The following DPH6 variants were observed in gnomAD, a reference collection of about 807,000 sequenced individuals.
DPH6 encodes diphthamine biosynthesis 6, also known as diphthine--ammonia ligase.
In DPH6, 33 loss-of-function variants were observed where a neutral mutation model predicts 38.2. The observed-to-expected ratio is 0.86, with a 90% CI of 0.65 to 1.15. The LOEUF (loss-of-function observed/expected upper bound fraction) is 1.15, where lower values mean the gene tolerates loss of function less well. Ranked by LOEUF, DPH6 falls within the 50% of genes most tolerant of loss-of-function variation. The pLI is 0.00. For missense variants in DPH6, 325 were observed against 320.0 expected, an observed-to-expected ratio of 1.02 and a Z score of -0.12; for synonymous variants, 108 against 103.0, an observed-to-expected ratio of 1.05 and a Z score of -0.30.
At chr15:35,475,559 T>C (rs572864675) in intron 3 of DPH6, among the ~76,000 whole-genome samples, 2 of 152,100 alleles carry the variant, frequency 1.3e-5, no homozygotes, top group Admixed American at 6.6e-5. Flanking sequence ...ATGAATTATA[T>C]ATTTCTTTGG....
At chr15:35,449,135 G>A (rs974715832) in intron 5 of DPH6, among the ~76,000 whole-genome samples, 2 of 151,810 alleles carry the variant, frequency 1.3e-5, no homozygotes, top group African/African-American at 4.8e-5. Flanking sequence ...GAAGTACTGT[G>A]CCATTTAATA....
intron 6 of DPH6, among the ~76,000 whole-genome samples, chr15:35,408,796 G>A (rs1470568554): frequency 6.6e-6 from 1 of 151,972 alleles, no homozygotes; most frequent in African/African-American, 2.4e-5. Flanking sequence ...CACTGTATCC[G>A]TTTAGAGGCA....
intron 5 of DPH6, among the ~76,000 whole-genome samples, chr15:35,448,511 T>C (rs1053088197): frequency 1.1e-4 from 17 of 152,176 alleles, no homozygotes; most frequent in African/African-American, 4.1e-4. Flanking sequence ...CATATATCAT[T>C]TCACATTCAA....
chr15:35,179,764 A>T, the DPH6 span, among the ~76,000 whole-genome samples: 1 of 152,136 alleles, frequency 6.6e-6, no homozygotes, highest in Non-Finnish European at 1.5e-5. Context: ...TGAGAATGAG[A>T]TGAGAGGATG....
chr15:35,212,740 T>C (rs2051394371), downstream of DPH6, among the ~76,000 whole-genome samples: 1 of 152,214 alleles, frequency 6.6e-6, no homozygotes, highest in Non-Finnish European at 1.5e-5. Context: ...AGTATTGTAC[T>C]TCCTTCCTAA....
chr15:35,212,300 T>C, the DPH6 span, among the ~76,000 whole-genome samples: 2 of 152,148 alleles, frequency 1.3e-5, no homozygotes, highest in South Asian at 4.1e-4. Flanking sequence ...GAATGAAAAC[T>C]CTTTTCACAG....
At chr15:35,494,250 C>G (rs2054519986) in intron 3 of DPH6, among the ~76,000 whole-genome samples, 1 of 152,066 alleles carries the variant, frequency 6.6e-6, no homozygotes, top group African/African-American at 2.4e-5. Flanking sequence ...ATGACTAGTC[C>G]TAACCATCTA....
At chr15:35,175,972 A>C in the DPH6 span, among the ~76,000 whole-genome samples, 1 of 152,216 alleles carries the variant, frequency 6.6e-6, no homozygotes, top group Non-Finnish European at 1.5e-5. Flanking sequence ...AAACTTTCAG[A>C]CATGTTCTCT....
At chr15:35,197,460 GA>G in the DPH6 span, among the ~76,000 whole-genome samples, 16 of 150,846 alleles carry the variant, frequency 1.1e-4, no homozygotes, top group African/African-American at 2.9e-4. Flanking sequence ...CCCCAAAAGA[GA>G]AAAAAAAATC....
At chr15:35,487,482 C>T (rs898726280) in intron 3 of DPH6, among the ~76,000 whole-genome samples, 1 of 152,232 alleles carries the variant, frequency 6.6e-6, no homozygotes, top group East Asian at 1.9e-4. Flanking sequence ...GCTTGGGGCT[C>T]GTACCCTCTG....
chr15:35,283,480 C>A (rs1283222922), intron 3 of DPH6, among the ~76,000 whole-genome samples: 1 of 151,612 alleles, frequency 6.6e-6, no homozygotes, highest in Admixed American at 6.6e-5. Flanking sequence ...GTATTTTTAG[C>A]AGAGATGGGG....
intron 3 of DPH6, among the ~76,000 whole-genome samples, chr15:35,466,948 T>C (rs1181615413): frequency 3.9e-5 from 6 of 152,142 alleles, no homozygotes; most frequent in African/African-American, 1.4e-4. Context: ...TTGTTTTGGG[T>C]GAATCAGTGA....
chr15:35,396,646 C>T (rs1345287303), intron 6 of DPH6, among the ~76,000 whole-genome samples: 1 of 152,074 alleles, frequency 6.6e-6, no homozygotes, highest in African/African-American at 2.4e-5. Flanking sequence ...ATGATTTTTA[C>T]TCTCTTAAAG....
chr15:35,187,818 T>C, the DPH6 span, among the ~76,000 whole-genome samples: 1 of 152,080 alleles, frequency 6.6e-6, no homozygotes, highest in Non-Finnish European at 1.5e-5. Flanking sequence ...AGACCCTGTT[T>C]CTAATTTACA....
At chr15:35,345,499 T>G (rs1218123946) in intron 3 of DPH6, among the ~76,000 whole-genome samples, 1 of 151,942 alleles carries the variant, frequency 6.6e-6, no homozygotes, top group Non-Finnish European at 1.5e-5. Context: ...CACATGATTA[T>G]GCGTGGTTGT....
chr15:35,331,729 G>A (rs2052328329), intron 3 of DPH6, among the ~76,000 whole-genome samples: 2 of 152,158 alleles, frequency 1.3e-5, no homozygotes, highest in African/African-American at 4.8e-5. Context: ...GGGATTTTCT[G>A]AGGAACTCTG....
chr15:35,429,978 A>G (rs923791328), intron 5 of DPH6, among the ~76,000 whole-genome samples: 1 of 152,158 alleles, frequency 6.6e-6, no homozygotes, highest in Non-Finnish European at 1.5e-5. Context: ...CTGTGGGGGA[A>G]AAGAACAAGA....
At chr15:35,493,992 C>T (rs61063061) in intron 3 of DPH6, among the ~76,000 whole-genome samples, 97 of 152,160 alleles carry the variant, frequency 6.4e-4, no homozygotes, top group African/African-American at 2.2e-3. Context: ...GAACCAACTG[C>T]CCAGATTCAA....
chr15:35,232,760 T>C (rs2051526972), intron 3 of DPH6, among the ~76,000 whole-genome samples: 1 of 152,148 alleles, frequency 6.6e-6, no homozygotes, highest in Non-Finnish European at 1.5e-5. Context: ...TTGCCAAGCA[T>C]GGGAGGAGTA....
Sources: gnomAD v4.1 joint callset for allele counts (sites outside exome capture counted in the v4.1 genomes callset) on GRCh38, gnomAD v4.1.1 for gene constraint, MANE v1.5 for transcripts, NCBI Gene and HGNC (gene_info 2026-07-23, HGNC 2026-07-21) for gene names.